The following ELP4 variants were observed in gnomAD, a reference collection of about 807,000 sequenced individuals.
ELP4 encodes the protein elongator acetyltransferase complex subunit 4, also known as elongator complex protein 4.
A neutral mutation model predicts 48.9 loss-of-function variants in ELP4; 51 were observed. The ratio of observed to expected loss-of-function variants is 1.04; its 90% CI spans 0.83 to 1.32. The LOEUF (loss-of-function observed/expected upper bound fraction) is 1.32. Among genes scored for constraint, ELP4 ranks in the 40% most tolerant of loss-of-function variants. ELP4 has a pLI of 0.00. For missense variants in ELP4, 519 were observed against 514.6 expected, an observed-to-expected ratio of 1.01 and a Z score of -0.08; for synonymous variants, 210 against 189.2, an observed-to-expected ratio of 1.11 and a Z score of -0.90.
chr11:31,625,780 T>C (rs1240204583), intron 5 of ELP4, among the ~76,000 whole-genome samples: 1 of 151,848 alleles, frequency 6.6e-6, no homozygotes, highest in East Asian at 1.9e-4. Context: ...GAATTGAATC[T>C]ACTGCACTAT....
chr11:31,625,655 T>A (rs1234509974), intron 5 of ELP4, among the ~76,000 whole-genome samples: 5 of 151,864 alleles, frequency 3.3e-5, no homozygotes, highest in African/African-American at 1.2e-4. Flanking sequence ...CTATATTTTT[T>A]ATCCACTCTC....
intron 5 of ELP4, among the ~76,000 whole-genome samples, chr11:31,625,194 T>C (rs772619326): frequency 6.6e-6 from 1 of 151,758 alleles, no homozygotes; most frequent in African/African-American, 2.4e-5. Context: ...GTGAGTAATA[T>C]GGCTACAACA....
At chr11:31,617,673 CA>C (rs1944520447) in intron 5 of ELP4, among the ~76,000 whole-genome samples, 1 of 137,206 alleles carries the variant, frequency 7.3e-6, no homozygotes, top group South Asian at 2.3e-4. Context: ...CAAAACCAAA[CA>C]AAGAAATACT....
At chr11:31,517,555 ATTTC>A (rs998125413) in intron 1 of ELP4, among the ~76,000 whole-genome samples, 3 of 151,984 alleles carry the variant, frequency 2.0e-5, no homozygotes, top group Non-Finnish European at 4.4e-5. Flanking sequence ...TGTTCTAAAT[ATTTC>A]TTTCAGATTT....
chr11:31,659,056 CTCAT>C (rs1171741209), intron 9 of ELP4, among the ~76,000 whole-genome samples: 15 of 151,780 alleles, frequency 9.9e-5, no homozygotes, highest in Admixed American at 9.2e-4. Context: ...GAAATTGTTC[CTCAT>C]TAAGAAAATA....
At chr11:31,728,137 T>C (rs1244629224) in intron 9 of ELP4, among the ~76,000 whole-genome samples, 3 of 152,180 alleles carry the variant, frequency 2.0e-5, no homozygotes, top group African/African-American at 7.2e-5. Flanking sequence ...AGCTATTTGC[T>C]TTATATCATT....
intron 2 of ELP4, among the ~76,000 whole-genome samples, chr11:31,539,289 C>A (rs1269361021): frequency 6.6e-6 from 1 of 152,138 alleles, no homozygotes; most frequent in African/African-American, 2.4e-5. Context: ...ACAGTGAAAC[C>A]CTGTGTCTAC....
chr11:31,534,931 T>G (rs1956474750), intron 2 of ELP4, among the ~76,000 whole-genome samples: 1 of 152,216 alleles, frequency 6.6e-6, no homozygotes, highest in Non-Finnish European at 1.5e-5. Context: ...AAGTAAGCAA[T>G]TTTTCCAGTG....
chr11:31,541,602 T>C (rs569395510), intron 3 of ELP4: 1 of 152,348 alleles, frequency 6.6e-6, no homozygotes, highest in South Asian at 2.1e-4. Flanking sequence ...TGCCTGTATA[T>C]GCTTTTGAAA....
chr11:31,516,941 G>A (rs963911973), intron 1 of ELP4, among the ~76,000 whole-genome samples: 1 of 152,170 alleles, frequency 6.6e-6, no homozygotes, highest in African/African-American at 2.4e-5. Context: ...ATAAAGTCTT[G>A]TAAATATATA....
At chr11:31,722,697 G>T (rs57351956) in intron 9 of ELP4, among the ~76,000 whole-genome samples, 9 of 90,608 alleles carry the variant, frequency 9.9e-5, no homozygotes, top group African/African-American at 4.5e-4. Context: ...CTCTCTCTCT[G>T]TCTCTCTCTT....
chr11:31,764,138 G>A (rs1181216986), intron 9 of ELP4, among the ~76,000 whole-genome samples: 8 of 152,064 alleles, frequency 5.3e-5, no homozygotes, highest in Non-Finnish European at 1.2e-4. Context: ...GGTAAAACCC[G>A]AGCATCTTGG....
intron 9 of ELP4, among the ~76,000 whole-genome samples, chr11:31,735,247 T>G (rs2134208408): frequency 6.6e-6 from 1 of 151,482 alleles, no homozygotes; most frequent in East Asian, 1.9e-4. Context: ...GATTAAAGAC[T>G]TAACCATATG....
At position 31,509,799 on chromosome 11, in the gene ELP4, A is replaced by T; in HGVS notation, c.15A>T (p.Ala5=). The part of the protein sequence containing the change: MAAV[A]TCGSVAASTG... ...GAGGCTCTAAGATGGCGGCAGTGGCAACCTGCGGTAGTGTTGCCGCGAGTA... is the reference window on the plus strand; with the variant it reads ...GAGGCTCTAAGATGGCGGCAGTGGCTACCTGCGGTAGTGTTGCCGCGAGTA... The change falls in exon 1 of 10, where the codon GCA becomes GCT. Residue 5 remains alanine (A), a synonymous_variant. Coordinates refer to ENST00000640961, the MANE Select transcript of ELP4 (RefSeq NM_019040.5). The T allele has an allele frequency of 1.2e-6, 2 of 1,614,128 alleles. No homozygotes were observed. The highest frequency in any genetic ancestry group is 1.7e-6 in the Non-Finnish European group (2 of 1,180,036).
intron 9 of ELP4, among the ~76,000 whole-genome samples, chr11:31,692,321 C>G (rs771234818): frequency 2.6e-5 from 4 of 152,096 alleles, no homozygotes; most frequent in Admixed American, 6.6e-5. Flanking sequence ...TTGAAAGATA[C>G]AATATAACTA....
intron 9 of ELP4, among the ~76,000 whole-genome samples, chr11:31,667,693 G>A (rs1337976270): frequency 6.6e-6 from 1 of 152,038 alleles, no homozygotes; most frequent in Admixed American, 6.6e-5. Context: ...ACTTCTACCG[G>A]TGAACTGCAT....
chr11:31,740,991 CAAAG>C (rs1347635199), intron 9 of ELP4, among the ~76,000 whole-genome samples: 1 of 152,186 alleles, frequency 6.6e-6, no homozygotes, highest in Non-Finnish European at 1.5e-5. Flanking sequence ...CTTTCCTAGT[CAAAG>C]AAAGCGGTGA....
chr11:31,654,765 G>A (rs1945393259), intron 9 of ELP4: 1 of 151,794 alleles, frequency 6.6e-6, no homozygotes, highest in African/African-American at 2.4e-5. Flanking sequence ...ATTTTCAGCA[G>A]CCTTTCTAGT....
At position 31,787,100 on chromosome 11, in the gene ELP4, A is replaced by G. The variant is rs571388508; in HGVS notation, c.*3576A>G. The G allele has an allele frequency of 4.3e-6, 1 of 231,984 alleles. No homozygotes were observed. Among genetic ancestry groups the G allele is most frequent in the South Asian group, 1.8e-4 (1 of 5,514 alleles). 14.4% of individuals were successfully genotyped at this position (231,984 alleles called of 1,614,324 possible). ...GCACTGCTACCACACAGAGCCTGCC[A>G]TGCTGTCCCCAAGAGAGTGCCTGGA... On this transcript the variant is annotated 3_prime_UTR_variant, in exon 10 of 10. Transcript: ENST00000640961.
Sources: allele counts gnomAD v4.1 joint callset (sites outside exome capture counted in the v4.1 genomes callset), GRCh38; gene constraint gnomAD v4.1.1; transcripts MANE v1.5; gene names NCBI Gene and HGNC (gene_info 2026-07-23, HGNC 2026-07-21).